FAM83G: variants seen among roughly 807,000 people sequenced by gnomAD.
FAM83G encodes the protein scaffolding CK1 anchoring protein G.
In FAM83G, 38 loss-of-function variants were observed where a neutral mutation model predicts 61.5. That is an observed-to-expected ratio of 0.62 (90% CI 0.48 to 0.81). The LOEUF is 0.81. FAM83G is among the 30% of genes least tolerant of loss of function. The pLI is 0.00. For missense variants in FAM83G, 989 were observed against 1,133.6 expected (o/e 0.87, Z 1.83); for synonymous variants, 470 against 476.1 (o/e 0.99, Z 0.17).
intron 2 of FAM83G, among the ~76,000 whole-genome samples, chr17:18,999,225 C>T (rs1418329656): frequency 6.6e-6 from 1 of 151,618 alleles, no homozygotes; most frequent in Non-Finnish European, 1.5e-5. Context: ...TTGCGGTGAG[C>T]AGAGATCGTG....
chr17:18,977,427 C>T (rs2043007057), intron 5 of FAM83G, 157 bp downstream of exon 5: 1 of 756,592 alleles, frequency 1.3e-6, no homozygotes, highest in East Asian at 2.7e-5. Context: ...CTGGCCGGTT[C>T]CCACCCCTGC....
chr17:18,976,904 G>A (rs946089718), intron 5 of FAM83G: 8 of 1,613,514 alleles, frequency 5.0e-6, no homozygotes, highest in African/African-American at 4.0e-5. Context: ...ATGCCAAGGC[G>A]GGCTCCATCC....
intron 4 of FAM83G, 127 bp downstream of exon 4, chr17:18,979,422 G>A: frequency 8.5e-7 from 1 of 1,181,496 alleles, no homozygotes; most frequent in African/African-American, 1.5e-5. Flanking sequence ...ATGTGCTCCA[G>A]CCCTGCGCAC....
chr17:18,991,681 C>T (rs981279755), intron 2 of FAM83G, among the ~76,000 whole-genome samples: 5 of 152,162 alleles, frequency 3.3e-5, no homozygotes, highest in African/African-American at 9.7e-5. Flanking sequence ...CAGGCGGGCA[C>T]GTGTGTGTCC....
chr17:18,988,350 C>A lies in FAM83G; in HGVS notation c.587G>T (p.Gly196Val). The stretch of plus-strand genomic sequence containing the variant: ...GTACACGGCCACTTTCCTCTTGAAG[C>A]CGGCGTCCAGCAGGTCCTTGAAGAT... Reference protein sequence around the residue: ...VDIFKDLLDAGFKRKVAVYII... With the variant: ...VDIFKDLLDAVFKRKVAVYII... The change falls in exon 3 of 6, where the codon GGC (glycine) becomes GTC (valine). Residue 196 changes from glycine to valine, a missense_variant. Physicochemically the swap from Gly to Val is moderately radical, Grantham distance 109. Coordinates refer to ENST00000388995, the MANE Select transcript of FAM83G (RefSeq NM_001039999.3). 6.2e-7 allele frequency: 1 copy of A among 1,614,236 alleles called. No homozygotes were observed. The highest frequency in any genetic ancestry group is 8.5e-7 in the Non-Finnish European group (1 of 1,180,052).
At chr17:18,995,355 GGTGGA>G (rs1305496849) in intron 2 of FAM83G, among the ~76,000 whole-genome samples, 1 of 152,042 alleles carries the variant, frequency 6.6e-6, no homozygotes, top group Non-Finnish European at 1.5e-5. Flanking sequence ...AAATATACTA[GGTGGA>G]ATTAACAGAT....
intron 5 of FAM83G, chr17:18,976,194 A>AAAAAAAAAAAAAAAAT (rs2042976367): frequency 6.6e-6 from 1 of 151,624 alleles, no homozygotes; most frequent in Non-Finnish European, 1.5e-5. Context: ...ACTCAAAAAA[A>AAAAAAAAAAAAAAAAT]AAGTAACTCT....
rs1357256537 is a variant in FAM83G at position 18,979,754 on chromosome 17, G to A, written c.691-81C>T. On this transcript the variant is annotated intron_variant, in intron 3 of 5. Coordinates refer to ENST00000388995, the MANE Select transcript of FAM83G (RefSeq NM_001039999.3). ...CGAGGGGAGGACGGCAGCTGCCCAG[G>A]GCTCAGAGGGGACTCTGGAGTAGTC... 31 of 1,513,216 alleles carry A rather than the reference G, an allele frequency of 2.0e-5. 1 individual carries two copies. The highest frequency in any genetic ancestry group is 2.8e-5 in the Non-Finnish European group (31 of 1,100,846). The allele number at this position is 1,513,216 out of a possible 1,614,324, so 93.7% of individuals were successfully genotyped here.
chr17:18,992,147 C>T (rs560229684), intron 2 of FAM83G, among the ~76,000 whole-genome samples: 67 of 152,300 alleles, frequency 4.4e-4, no homozygotes, highest in African/African-American at 1.5e-3. Flanking sequence ...AGCCCTCCAG[C>T]GCCCCGCCCG....
rs549679109 is a variant in FAM83G, at chr17:19,000,441, C to T, written c.522+3079G>A. On this transcript the variant is annotated intron_variant, in intron 2 of 5. Coordinates refer to ENST00000388995, the MANE Select transcript of FAM83G (RefSeq NM_001039999.3). The surrounding 1 kb of genome is among the most constrained non-coding windows in gnomAD (Gnocchi z 5.2). ...CCCACAGTCAGGCAGAGGCAGAGCACGGACTCTTGGCTCCTGGTCCTGCTG... is the reference window on the plus strand; with the variant it reads ...CCCACAGTCAGGCAGAGGCAGAGCATGGACTCTTGGCTCCTGGTCCTGCTG... Among the ~76,000 whole-genome samples the T allele has an allele frequency of 6.6e-6, 1 of 152,236 alleles. No homozygotes were observed. The highest frequency in any genetic ancestry group is 6.5e-5 in the Admixed American group (1 of 15,300).
chr17:18,996,066 G>C lies in FAM83G; in HGVS notation c.522+7454C>G, dbSNP rs539124721. On this transcript the variant is annotated intron_variant, in intron 2 of 5. Transcript: ENST00000388995. The surrounding 1 kb of genome is among the most constrained non-coding windows in gnomAD (Gnocchi z 4.4). ...AGACAACTGCATGTCAAGGAACAAA[G>C]TAAGTGGACTTCTCATCAGAATCAC... 4.8e-4 allele frequency among the ~76,000 whole-genome samples: 73 copies of C among 151,306 alleles called. No homozygotes were observed. Among genetic ancestry groups the C allele is most frequent in the African/African-American group, 1.7e-3 (69 of 41,164 alleles).
chr17:18,981,889 AGTCGGACAAAGATC>A (rs1478999439), intron 3 of FAM83G, among the ~76,000 whole-genome samples: 1 of 152,180 alleles, frequency 6.6e-6, no homozygotes, highest in Non-Finnish European at 1.5e-5. Flanking sequence ...GGGGTTGAGA[AGTCGGACAAAGATC>A]CTGGAGGTGG....
rs148765836 is a variant in FAM83G at position 18,991,185 on chromosome 17, G to A, written c.523-2771C>T. Among the ~76,000 whole-genome samples, 46 of 152,324 alleles carry A rather than the reference G, an allele frequency of 3.0e-4. No homozygotes were observed. In the Middle Eastern group the frequency reaches 0.01, roughly 34 times the overall value. On this transcript the variant is annotated intron_variant, in intron 2 of 5. Transcript: ENST00000388995. ...GCTCACTTGTGACACCATGAGCTCAGCAAGAGCAGAGCCCTTGTCTGAGCC... is the reference window on the plus strand; with the variant it reads ...GCTCACTTGTGACACCATGAGCTCAACAAGAGCAGAGCCCTTGTCTGAGCC...
Position 18,970,851 on chromosome 17 carries a change from C to A in FAM83G, c.*508G>T, listed in dbSNP as rs2152001246. 3.3e-6 allele frequency: 2 copies of A among 614,442 alleles called. No homozygotes were observed. Among genetic ancestry groups the A allele is most frequent in the South Asian group, 2.0e-5 (1 of 49,066 alleles). The allele number at this position is 614,442 out of a possible 1,614,324, so 38.1% of individuals were successfully genotyped here. ...AAATACACCTTAAAAAAAAAAACAA[C>A]CCTCTACCCTCACACCTTTCCAAAC... On this transcript the variant is annotated 3_prime_UTR_variant, in exon 6 of 6. Coordinates refer to ENST00000388995, the MANE Select transcript of FAM83G (RefSeq NM_001039999.3).
chr17:18,968,882 C>T lies in FAM83G; in HGVS notation c.*2477G>A, dbSNP rs1054291455. 4.9e-6 allele frequency: 3 copies of T among 615,096 alleles called. No individual in the cohort carries two copies. The highest frequency in any genetic ancestry group is 8.5e-6 in the Non-Finnish European group (3 of 353,778). The allele number at this position is 615,096 out of a possible 1,614,324, so 38.1% of individuals were successfully genotyped here. On this transcript the variant is annotated 3_prime_UTR_variant, in exon 6 of 6. Transcript: ENST00000388995. The surrounding 1 kb of genome is among the most constrained non-coding windows in gnomAD (Gnocchi z 4.1). ...CTTGTAGCTCCACGGCCAGGTCTTC[C>T]CCCAACCTCACAATGGCCCCGTGAT...
rs375966413 is a variant in FAM83G, at chr17:18,971,133, G to A, written c.*226C>T. The A allele has an allele frequency of 1.1e-5, 18 of 1,613,904 alleles. No homozygotes were observed. The highest frequency in any genetic ancestry group is 6.7e-5 in the Admixed American group (4 of 60,012). ...CGTACAGACGCCATGCACATGTTTC[G>A]AGACCCCCACACAGGGGACCTGCCG... On this transcript the variant is annotated 3_prime_UTR_variant, in exon 6 of 6. Transcript: ENST00000388995. This position sits in a 1 kb window ranked among gnomAD's most constrained non-coding sequence, Gnocchi z 5.5.
At chr17:18,973,906 T>A (rs866968643) in intron 5 of FAM83G, among the ~76,000 whole-genome samples, 2 of 143,186 alleles carry the variant, frequency 1.4e-5, no homozygotes, top group African/African-American at 5.3e-5. Context: ...TTTTTTTTTT[T>A]CCCAGAGACA....
intron 3 of FAM83G, among the ~76,000 whole-genome samples, chr17:18,981,150 A>G (rs529068654): frequency 1.3e-5 from 2 of 152,288 alleles, no homozygotes; most frequent in South Asian, 4.1e-4. Flanking sequence ...GGGGTAAACG[A>G]AAACAAGCTG....
chr17:18,979,702 C>G (rs2152011414), intron 3 of FAM83G, 29 bp from the exon 4 acceptor site: 1 of 1,611,996 alleles, frequency 6.2e-7, no homozygotes, highest in East Asian at 2.2e-5. Flanking sequence ...GACAGAATTA[C>G]ACGACTGCAA....
Sources: gnomAD v4.1 joint callset for allele counts (sites outside exome capture counted in the v4.1 genomes callset) on GRCh38, gnomAD v4.1.1 for gene constraint, Gnocchi (gnomAD v3.1) non-coding constraint, MANE v1.5 for transcripts, NCBI Gene and HGNC (gene_info 2026-07-23, HGNC 2026-07-21) for gene names.